Variants in CNTNAP3 observed in about 807,000 individuals in gnomAD.
CNTNAP3 encodes the protein contactin-associated protein-like 3.
Under a neutral mutation model 92.1 loss-of-function variants are expected in CNTNAP3, and 36 were observed. The ratio of observed to expected loss-of-function variants is 0.39; its 90% confidence interval spans 0.30 to 0.52. The LOEUF is 0.52. Among genes scored for constraint, CNTNAP3 ranks in the 20% least tolerant of loss-of-function variants. The pLI, the probability that CNTNAP3 is intolerant of heterozygous loss-of-function variation, is 0.76. For synonymous variants in CNTNAP3, 232 were observed against 422.3 expected, an observed-to-expected ratio of 0.55 and a Z score of 5.53; for missense variants, 534 against 1,069.6, an observed-to-expected ratio of 0.50 and a Z score of 6.98.
chr9:39,097,205 A>T (rs1282180677), intron 18 of CNTNAP3, among the ~76,000 whole-genome samples: 1 of 152,074 alleles, frequency 6.6e-6, no homozygotes, highest in African/African-American at 2.4e-5. Context: ...GCTTACTGCC[A>T]ATATCTTCAT....
chr9:39,132,870 C>T (rs1165392359), intron 13 of CNTNAP3, 62 bp downstream of exon 13: 11 of 1,485,836 alleles, frequency 7.4e-6, no homozygotes, highest in East Asian at 5.3e-5. Context: ...AAACGCATCT[C>T]GCAGCCCGAG....
At position 39,147,185 on chromosome 9, in the gene CNTNAP3, T is replaced by C. The variant is rs1242587727; in HGVS notation, c.1649+2621A>G. On this transcript the variant is annotated intron_variant, in intron 10 of 23. Transcript: ENST00000297668. ...CCAGCCATGTGGAACTGTGAATCCA[T>C]TAAGCCTTTTTTCTTTATAAATTAC... 2.7e-5 allele frequency among the ~76,000 whole-genome samples: 4 copies of C among 150,174 alleles called. No homozygotes were observed. In the East Asian group the frequency reaches 7.8e-4, roughly 29 times the overall value.
chr9:39,202,264 T>TTTTTG (rs1219369662), intron 3 of CNTNAP3, among the ~76,000 whole-genome samples: 1 of 46,972 alleles, frequency 2.1e-5, no homozygotes, highest in African/African-American at 3.6e-5. Flanking sequence ...AATACCATGT[T>TTTTTG]TTTTGTTTTG....
rs1825600085 is a variant in CNTNAP3 at position 39,069,793 on chromosome 9, C to G, written c.*4097G>C. The stretch of plus-strand genomic sequence containing the variant: ...ACAACACATCAGCAATGAACTTAGC[C>G]TGAGCTACATCCATTGGGAGTGATG... On this transcript the variant is annotated 3_prime_UTR_variant, in exon 24 of 24. Coordinates refer to ENST00000297668, the MANE Select transcript of CNTNAP3 (RefSeq NM_033655.5). Among the ~76,000 whole-genome samples, 1 of 152,300 alleles carries G rather than the reference C, an allele frequency of 6.6e-6. No individual in the cohort carries two copies. The highest frequency in any genetic ancestry group is 6.5e-5 in the Admixed American group (1 of 15,294).
At chr9:39,100,358 C>T (rs1826427444) in intron 17 of CNTNAP3, among the ~76,000 whole-genome samples, 1 of 152,156 alleles carries the variant, frequency 6.6e-6, no homozygotes, top group African/African-American at 2.4e-5. Context: ...ACATAACTTT[C>T]AAACATGGTG....
chr9:39,112,910 T>C (rs1587713668), intron 14 of CNTNAP3, among the ~76,000 whole-genome samples: 2 of 152,278 alleles, frequency 1.3e-5, no homozygotes, highest in African/African-American at 4.8e-5. Flanking sequence ...AATTTCCATA[T>C]GAATTTTAAA....
At chr9:39,093,555 C>T (rs1826259977) in intron 18 of CNTNAP3, among the ~76,000 whole-genome samples, 1 of 151,128 alleles carries the variant, frequency 6.6e-6, no homozygotes, top group African/African-American at 2.4e-5. Context: ...CTGCTGGTAT[C>T]CTTGAATCTA....
rs1825504892 is a variant in CNTNAP3 at position 39,066,126 on chromosome 9, T to C, written c.*7764A>G. 6.6e-6 allele frequency among the ~76,000 whole-genome samples: 1 copy of C among 152,242 alleles called. No homozygotes were observed. Among genetic ancestry groups the C allele is most frequent in the Non-Finnish European group, 1.5e-5 (1 of 68,034 alleles). On this transcript the variant is annotated 3_prime_UTR_variant, in exon 24 of 24. Coordinates refer to ENST00000297668, the MANE Select transcript of CNTNAP3 (RefSeq NM_033655.5). ...ATATTATTGTGTAATATTGTAATATTATCACTGTTTTTGTTACTCTAGCAT... is the reference window on the plus strand; with the variant it reads ...ATATTATTGTGTAATATTGTAATATCATCACTGTTTTTGTTACTCTAGCAT...
intron 9 of CNTNAP3, among the ~76,000 whole-genome samples, chr9:39,150,211 T>C (rs1271658130): frequency 5.3e-5 from 8 of 151,776 alleles, no homozygotes; most frequent in Non-Finnish European, 1.5e-5. Flanking sequence ...CTAAAATTCC[T>C]ATAACAGGAA....
chr9:39,152,329 GA>G (rs546054499), intron 9 of CNTNAP3, among the ~76,000 whole-genome samples: 9 of 124,438 alleles, frequency 7.2e-5, no homozygotes, highest in African/African-American at 2.8e-4. Flanking sequence ...TTAGCTTATC[GA>G]AACTATACAT....
chr9:39,095,195 A>T (rs539294562), intron 18 of CNTNAP3, among the ~76,000 whole-genome samples: 1 of 151,610 alleles, frequency 6.6e-6, no homozygotes, highest in African/African-American at 2.4e-5. Flanking sequence ...GTATCCTGCA[A>T]CTTCGCTGAA....
intron 12 of CNTNAP3, among the ~76,000 whole-genome samples, chr9:39,135,882 C>A (rs1322897522): frequency 6.6e-6 from 1 of 152,090 alleles, no homozygotes; most frequent in African/African-American, 2.4e-5. Context: ...GTAATCCCAG[C>A]ACTTTGGGAG....
At chr9:39,127,108 A>T (rs1252667936) in intron 13 of CNTNAP3, among the ~76,000 whole-genome samples, 2 of 152,120 alleles carry the variant, frequency 1.3e-5, no homozygotes, top group Non-Finnish European at 2.9e-5. Context: ...CAGAAAGAGA[A>T]AAAGAAAATC....
At position 39,248,594 on chromosome 9, in the gene CNTNAP3, A is replaced by ATTTTTTTTTTTACATT. The variant is rs201124962; in HGVS notation, c.197-9409_197-9408insAATGTAAAAAAAAAAA. Among the ~76,000 whole-genome samples, 2 of 30,632 alleles carry ATTTTTTTTTTTACATT rather than the reference A, an allele frequency of 6.5e-5. 1 individual carries two copies. The highest frequency in any genetic ancestry group is 1.3e-4 in the Non-Finnish European group (2 of 15,500). The allele number at this position is 30,632 out of a possible 152,430, so 20.1% of individuals were successfully genotyped here. A position where few individuals can be genotyped will look rare whatever the true frequency, so the allele number is the denominator to read the frequency against. ...TTTGCATTTACTTTTTTTTTTTTACATTTTTTTTTACATTTTACAACAGGC... is the reference window on the plus strand; with the variant it reads ...TTTGCATTTACTTTTTTTTTTTTACATTTTTTTTTTTACATTTTTTTTTTTACATTTTACAACAGGC... On this transcript the variant is annotated intron_variant, in intron 2 of 23. Coordinates refer to ENST00000297668, the MANE Select transcript of CNTNAP3 (RefSeq NM_033655.5).
Position 39,073,538 on chromosome 9 carries a change from T to C in CNTNAP3, c.*352A>G, listed in dbSNP as rs140619312. The C allele has an allele frequency of 0.036, 12,675 of 347,990 alleles. 201 individuals are homozygous for C. Among genetic ancestry groups the C allele is most frequent in the Non-Finnish European group, 0.042 (7,946 of 188,858 alleles). 21.6% of individuals were successfully genotyped at this position (347,990 alleles called of 1,614,324 possible). A position where few individuals can be genotyped will look rare whatever the true frequency, so the allele number is the denominator to read the frequency against. On this transcript the variant is annotated 3_prime_UTR_variant, in exon 24 of 24. Transcript: ENST00000297668. ...GGGCCACAGCTTTATAGCCATTTTC[T>C]CATCTAAAACCCCACAATTATTAAC...
At chr9:39,120,045 G>A (rs1820973018) in intron 13 of CNTNAP3, among the ~76,000 whole-genome samples, 1 of 152,098 alleles carries the variant, frequency 6.6e-6, no homozygotes, top group African/African-American at 2.4e-5. Flanking sequence ...AAAAAATACT[G>A]GCTGTAAACT....
chr9:39,102,771 G>A (rs1344609923), intron 16 of CNTNAP3, 56 bp from the exon 17 acceptor site: 42 of 665,512 alleles, frequency 6.3e-5, no homozygotes, highest in South Asian at 3.8e-4. Flanking sequence ...ATTGAGTCTT[G>A]TGCAGACACA....
intron 23 of CNTNAP3, among the ~76,000 whole-genome samples, chr9:39,077,006 A>G (rs1302382650): frequency 6.6e-6 from 1 of 152,302 alleles, no homozygotes; most frequent in Non-Finnish European, 1.5e-5. Flanking sequence ...AGGAAAGGTG[A>G]ATGCTTATTT....
At chr9:39,139,937 G>T (rs1821533117) in intron 12 of CNTNAP3, 1 of 152,030 alleles carries the variant, frequency 6.6e-6, no homozygotes, top group South Asian at 2.1e-4. Flanking sequence ...AGTAGAGATG[G>T]GGTTTCACCA....
Sources: gnomAD v4.1 joint callset for allele counts (sites outside exome capture counted in the v4.1 genomes callset) on GRCh38, gnomAD v4.1.1 for gene constraint, MANE v1.5 for transcripts, NCBI Gene and HGNC (gene_info 2026-07-23, HGNC 2026-07-21) for gene names.